CPA1: variants seen among roughly 807,000 people sequenced by gnomAD.
CPA1 encodes the protein carboxypeptidase A1 (pancreatic).
Under a neutral mutation model 48.7 loss-of-function variants are expected in CPA1, and 42 were observed. The ratio of observed to expected loss-of-function variants is 0.86; its 90% CI spans 0.67 to 1.11. The LOEUF (loss-of-function observed/expected upper bound fraction) is 1.11, where lower values mean the gene tolerates loss of function less well. CPA1 is among the 50% of genes most tolerant of loss of function. The pLI is 0.00. For missense variants in CPA1, 477 were observed against 544.7 expected (o/e 0.88, Z 1.24); for synonymous variants, 203 against 217.9 (o/e 0.93, Z 0.60).
chr7:130,384,739 T>C, intron 7 of CPA1, 113 bp downstream of exon 7: 1 of 882,480 alleles, frequency 1.1e-6, no homozygotes, highest in Non-Finnish European at 1.8e-6. Context: ...GGGTTGGGGG[T>C]GGCAGCTCTG....
chr7:130,382,566 C>T (rs1302285347), intron 4 of CPA1, among the ~76,000 whole-genome samples: 3 of 151,246 alleles, frequency 2.0e-5, no homozygotes, highest in African/African-American at 4.9e-5. Flanking sequence ...TGGGTTCAAG[C>T]GATTCTCCTG....
chr7:130,380,636 C>A, intron 1 of CPA1, 51 bp downstream of exon 1: 1 of 1,044,268 alleles, frequency 9.6e-7, no homozygotes, highest in Non-Finnish European at 1.3e-6. Context: ...GGGGAGGACT[C>A]AGCCCCCAAC....
intron 9 of CPA1, 80 bp downstream of exon 9, chr7:130,386,003 T>C (rs1554411982): frequency 7.7e-7 from 1 of 1,304,696 alleles, no homozygotes; most frequent in Non-Finnish European, 1.1e-6. Flanking sequence ...GTATCCCTCA[T>C]GGAAGGAAGT....
Position 130,385,135 on chromosome 7 carries a change from T to C in CPA1, c.788-11T>C. The C allele has an allele frequency of 3.1e-6, 5 of 1,613,650 alleles. No homozygotes were observed. The highest frequency in any genetic ancestry group is 4.2e-6 in the Non-Finnish European group (5 of 1,179,854). Reference sequence around the variant, plus strand: ...AGGAGCCACACCGCCATGCCCTCTGTCCCCCCACAGTGTCCGGAGCCAGCA... The same window carrying C: ...AGGAGCCACACCGCCATGCCCTCTGCCCCCCCACAGTGTCCGGAGCCAGCA... On this transcript the variant is annotated splice_polypyrimidine_tract_variant and intron_variant, in intron 7 of 9. Coordinates refer to ENST00000011292, the MANE Select transcript of CPA1 (RefSeq NM_001868.4).
chr7:130,385,284 C>T lies in CPA1; in HGVS notation c.926C>T (p.Ser309Phe). ...GCCTTCATCTCCATCCACAGCTACT[C>T]CCAGCTCCTCATGTATCCCTATGGC... ...IKAFISIHSY[S>F]QLLMYPYGYK... The change falls in exon 8 of 10, where the codon TCC (serine) becomes TTC (phenylalanine). Residue 309 changes from serine to phenylalanine, a missense_variant. Coordinates refer to ENST00000011292, the MANE Select transcript of CPA1 (RefSeq NM_001868.4). 2 of 1,614,218 alleles carry T rather than the reference C, an allele frequency of 1.2e-6. No homozygotes were observed. The highest frequency in any genetic ancestry group is 1.7e-6 in the Non-Finnish European group (2 of 1,180,034).
Position 130,383,676 on chromosome 7 carries a change from C to A in CPA1, c.586-8C>A. On this transcript the variant is annotated splice_polypyrimidine_tract_variant and splice_region_variant and intron_variant, in intron 5 of 9. Transcript: ENST00000011292. Reference sequence around the variant, plus strand: ...CTGCGCTGCCCCTCTGCTCCTCTAACCCCCCAGATCACTCAAGACTACGGG... The same window carrying A: ...CTGCGCTGCCCCTCTGCTCCTCTAAACCCCCAGATCACTCAAGACTACGGG... 1 of 1,604,214 alleles carries A rather than the reference C, an allele frequency of 6.2e-7. No homozygotes were observed. Among genetic ancestry groups the A allele is most frequent in the Non-Finnish European group, 8.5e-7 (1 of 1,171,064 alleles).
chr7:130,382,080 G>C, intron 3 of CPA1, 28 bp from the exon 4 acceptor site: 1 of 1,587,268 alleles, frequency 6.3e-7, no homozygotes, highest in East Asian at 2.2e-5. Context: ...AGCTATTAAG[G>C]CCAGTGGTCT....
intron 6 of CPA1, chr7:130,384,221 T>C: frequency 2.1e-6 from 1 of 474,672 alleles, no homozygotes; most frequent in East Asian, 3.9e-5. Context: ...ACAGTGGTGG[T>C]GGAGGACACC....
rs781918506 is a variant in CPA1, at chr7:130,387,810, T to G, written c.1073-14T>G. ...GTGATTGACCCTTTCTCTCCTATTT[T>G]ACTCCTGCCCCAGATCAAGCCAGTG... On this transcript the variant is annotated splice_polypyrimidine_tract_variant and intron_variant, in intron 9 of 9. Transcript: ENST00000011292. This position sits in a 1 kb window ranked among gnomAD's most constrained non-coding sequence, Gnocchi z 4.6. 1 of 1,612,088 alleles carries G rather than the reference T, an allele frequency of 6.2e-7. No individual in the cohort carries two copies. Among genetic ancestry groups the G allele is most frequent in the East Asian group, 2.2e-5 (1 of 44,858 alleles).
At position 130,380,510 on chromosome 7, in the gene CPA1, C is replaced by T. The variant is rs1796389648; in HGVS notation, c.-11C>T. ...CTCGACCTCAGTCTGACCTTCCCTCCCGGCAGCAGCATGCGGGGGTTGCTG... is the reference window on the plus strand; with the variant it reads ...CTCGACCTCAGTCTGACCTTCCCTCTCGGCAGCAGCATGCGGGGGTTGCTG... On this transcript the variant is annotated 5_prime_UTR_variant, in exon 1 of 10. Transcript: ENST00000011292. 7.6e-7 allele frequency: 1 copy of T among 1,313,848 alleles called. No individual in the cohort carries two copies. The highest frequency in any genetic ancestry group is 9.8e-7 in the Non-Finnish European group (1 of 1,022,608). The allele number at this position is 1,313,848 out of a possible 1,614,324, so 81.4% of individuals were successfully genotyped here.
intron 8 of CPA1, 110 bp downstream of exon 8, chr7:130,385,455 A>G: frequency 1.0e-6 from 1 of 988,092 alleles, no homozygotes; most frequent in East Asian, 2.5e-5. Context: ...AGTACCTGAC[A>G]CCCTTCCTTC....
intron 2 of CPA1, 46 bp downstream of exon 2, chr7:130,381,225 T>C (rs377691213): frequency 2.1e-6 from 3 of 1,456,700 alleles, no homozygotes; most frequent in Admixed American, 1.8e-5. Context: ...GGGTATCAGC[T>C]GGGGCCACCC....
At chr7:130,385,390 C>T (rs782006972) in intron 8 of CPA1, 45 bp downstream of exon 8, 38 of 1,570,310 alleles carry the variant, frequency 2.4e-5, no homozygotes, top group Admixed American at 8.3e-5. Flanking sequence ...AAGGTGGCTT[C>T]GGACAGGCCC....
rs1390842256 is a variant in CPA1, at chr7:130,383,434, CG to C, written c.530del (p.Gly177AlafsTer114). ...GSKRPAIWID[T>X]GIHSREWVTQ... Reference sequence around the variant, plus strand: ...AAGCGTCCAGCCATCTGGATCGACACGGGCATCCATTCCCGGGAGTGGGTCA... The same window carrying C: ...AAGCGTCCAGCCATCTGGATCGACACGGCATCCATTCCCGGGAGTGGGTCA... On this transcript the variant is annotated frameshift_variant, in exon 5 of 10. Coordinates refer to ENST00000011292, the MANE Select transcript of CPA1 (RefSeq NM_001868.4). LOFTEE classifies it high-confidence loss of function. 1 of 1,614,060 alleles carries C rather than the reference CG, an allele frequency of 6.2e-7. No homozygotes were observed. The highest frequency in any genetic ancestry group is 1.3e-5 in the African/African-American group (1 of 74,930).
rs1554411573 is a variant in CPA1, at chr7:130,383,712, C to T, written c.614C>T (p.Ala205Val). The T allele has an allele frequency of 6.2e-7, 1 of 1,614,112 alleles. No individual in the cohort carries two copies. The highest frequency in any genetic ancestry group is 1.3e-5 in the African/African-American group (1 of 75,060). The stretch of plus-strand genomic sequence containing the variant: ...ACTCAAGACTACGGGCAGGATGCAG[C>T]TTTCACCGCCATTCTCGACACCTTG... Reference protein sequence around the residue: ...KITQDYGQDAAFTAILDTLDI... With the variant: ...KITQDYGQDAVFTAILDTLDI... Residue 205 changes from alanine (A) to valine (V), a missense_variant, in exon 6 of 10, where the codon GCT (alanine) becomes GTT (valine). Ala to Val is a moderately conservative substitution (Grantham distance 64). Transcript: ENST00000011292.
chr7:130,384,219 G>A, intron 6 of CPA1: 1 of 472,090 alleles, frequency 2.1e-6, no homozygotes, highest in Non-Finnish European at 3.8e-6. Context: ...CCACAGTGGT[G>A]GTGGAGGACA....
At position 130,384,732 on chromosome 7, in the gene CPA1, T is replaced by G. The variant is rs1299760600; in HGVS notation, c.787+106T>G. 6.2e-6 allele frequency: 6 copies of G among 972,936 alleles called. No homozygotes were observed. In the African/African-American group the frequency reaches 9.7e-5, roughly 16 times the overall value. 60.3% of individuals were successfully genotyped at this position (972,936 alleles called of 1,614,324 possible). A position where few individuals can be genotyped will look rare whatever the true frequency, so the allele number is the denominator to read the frequency against. On this transcript the variant is annotated intron_variant, in intron 7 of 9. Coordinates refer to ENST00000011292, the MANE Select transcript of CPA1 (RefSeq NM_001868.4). Reference sequence around the variant, plus strand: ...TCCTGCCCCTGCAGTGAGGGGAGGGTTGGGGGTGGCAGCTCTGCCTCTGAG... The same window carrying G: ...TCCTGCCCCTGCAGTGAGGGGAGGGGTGGGGGTGGCAGCTCTGCCTCTGAG...
In CPA1 at chr7:130,384,884, C is replaced by T. The variant is rs1796453057; in HGVS notation, c.787+258C>T. 8 of 605,416 alleles carry T rather than the reference C, an allele frequency of 1.3e-5. No homozygotes were observed. In the East Asian group the frequency reaches 2.2e-4, roughly 17 times the overall value. The allele number at this position is 605,416 out of a possible 1,614,324, so 37.5% of individuals were successfully genotyped here. A position where few individuals can be genotyped will look rare whatever the true frequency, so the allele number is the denominator to read the frequency against. On this transcript the variant is annotated intron_variant, in intron 7 of 9. Transcript: ENST00000011292. ...GGCTTCTAGCTTAACCTCAAGTCCT[C>T]CCGCCTTGGCCACGTCTCTGTGAGA...
chr7:130,383,522 A>G, intron 5 of CPA1, 30 bp downstream of exon 5: 1 of 1,584,470 alleles, frequency 6.3e-7, no homozygotes, highest in Non-Finnish European at 8.7e-7. Context: ...GAGGGCTCTC[A>G]CCTGGTGGGG....
Sources: gnomAD v4.1 joint callset for allele counts (sites outside exome capture counted in the v4.1 genomes callset) on GRCh38, gnomAD v4.1.1 for gene constraint, Gnocchi (gnomAD v3.1) non-coding constraint, MANE v1.5 for transcripts, NCBI Gene and HGNC (gene_info 2026-07-23, HGNC 2026-07-21) for gene names.